PPFIA2: variants seen among roughly 807,000 people sequenced by gnomAD.
PPFIA2 encodes PPFI scaffold protein A2.
A neutral mutation model predicts 175.5 loss-of-function variants in PPFIA2; 46 were observed. The observed-to-expected ratio is 0.26, with a 90% CI of 0.21 to 0.34. The LOEUF is 0.34. PPFIA2 is among the 10% of genes least tolerant of loss of function. The pLI is 1.00. For synonymous variants in PPFIA2, 568 were observed against 511.4 expected, an observed-to-expected ratio of 1.11 and a Z score of -1.49; for missense variants, 1,179 against 1,506.1, an observed-to-expected ratio of 0.78 and a Z score of 3.60.
intron 21 of PPFIA2, among the ~76,000 whole-genome samples, chr12:81,333,966 C>T (rs527890465): frequency 6.6e-6 from 1 of 152,282 alleles, no homozygotes; most frequent in Admixed American, 6.5e-5. Flanking sequence ...TTCCAGCACT[C>T]AGGCCCCATT....
intron 9 of PPFIA2, among the ~76,000 whole-genome samples, chr12:81,376,368 T>C (rs761495575): frequency 2.6e-5 from 4 of 152,064 alleles, no homozygotes; most frequent in Non-Finnish European, 4.4e-5. Flanking sequence ...CCATCCGTAT[T>C]CTTACCTTTA....
chr12:81,278,186 G>A (rs1408079277), intron 27 of PPFIA2, among the ~76,000 whole-genome samples: 1 of 152,156 alleles, frequency 6.6e-6, no homozygotes, highest in Non-Finnish European at 1.5e-5. Flanking sequence ...GTTTAAGTAT[G>A]AAATACATAT....
chr12:81,612,366 C>G (rs531248637), intron 4 of PPFIA2, among the ~76,000 whole-genome samples: 1 of 152,222 alleles, frequency 6.6e-6, no homozygotes, highest in Non-Finnish European at 1.5e-5. Context: ...ATAACAGCTA[C>G]AGTTAGAGCA....
intron 11 of PPFIA2, among the ~76,000 whole-genome samples, chr12:81,371,001 A>G (rs1350324003): frequency 6.6e-6 from 1 of 151,924 alleles, no homozygotes; most frequent in African/African-American, 2.4e-5. Flanking sequence ...ATTCAGATGC[A>G]TATATACTAT....
At chr12:81,670,255 C>T (rs2071160158) in intron 4 of PPFIA2, among the ~76,000 whole-genome samples, 1 of 151,760 alleles carries the variant, frequency 6.6e-6, no homozygotes, top group Admixed American at 6.6e-5. Flanking sequence ...ATAAATTTTT[C>T]AGTTATTATT....
rs571821814 is a variant in PPFIA2, at chr12:81,265,291, CA to C, written c.3555+1660del. ...CTGGGCAACAAGAGCGAAACTCTGT[CA>C]AAAAAAAAAAAAAAAAAAAAAAAAA... On this transcript the variant is annotated intron_variant, in intron 30 of 32. Coordinates refer to ENST00000549396, the MANE Select transcript of PPFIA2 (RefSeq NM_003625.5). Among the ~76,000 whole-genome samples the C allele has an allele frequency of 6.7e-3, 470 of 69,972 alleles. 5 individuals carry two copies. The highest frequency in any genetic ancestry group is 0.023 in the East Asian group (41 of 1,774). The allele number at this position is 69,972 out of a possible 152,430, so 45.9% of individuals were successfully genotyped here. A position where few individuals can be genotyped will look rare whatever the true frequency, so the allele number is the denominator to read the frequency against.
At chr12:81,681,454 A>C (rs1049433895) in intron 3 of PPFIA2, among the ~76,000 whole-genome samples, 1 of 151,978 alleles carries the variant, frequency 6.6e-6, no homozygotes, top group African/African-American at 2.4e-5. Flanking sequence ...GAGCTCCAGG[A>C]AGAGTGAGGT....
chr12:81,435,398 A>C (rs528083184), intron 7 of PPFIA2, among the ~76,000 whole-genome samples: 1 of 152,292 alleles, frequency 6.6e-6, no homozygotes, highest in East Asian at 1.9e-4. Flanking sequence ...GAGTATATAA[A>C]CTTTGAGCTA....
intron 3 of PPFIA2, among the ~76,000 whole-genome samples, chr12:81,725,556 A>C (rs1379190653): frequency 6.6e-6 from 1 of 151,016 alleles, no homozygotes; most frequent in East Asian, 1.9e-4. Context: ...CATGTTAATG[A>C]AGAAGAAAAA....
intron 3 of PPFIA2, among the ~76,000 whole-genome samples, chr12:81,699,775 T>TCCAAGTATC (rs1567913120): frequency 1.3e-5 from 2 of 152,032 alleles, no homozygotes; most frequent in South Asian, 2.1e-4. Flanking sequence ...TGAATCATCC[T>TCCAAGTATC]CCAAGTATCT....
intron 4 of PPFIA2, among the ~76,000 whole-genome samples, chr12:81,651,379 G>A (rs983062636): frequency 6.6e-6 from 1 of 152,120 alleles, no homozygotes; most frequent in Non-Finnish European, 1.5e-5. Context: ...TCTTCCTGCA[G>A]GCAGAAACAT....
At chr12:81,407,003 T>G (rs1159600173) in intron 7 of PPFIA2, among the ~76,000 whole-genome samples, 6 of 152,180 alleles carry the variant, frequency 3.9e-5, no homozygotes, top group Non-Finnish European at 7.3e-5. Flanking sequence ...AGCTATATGA[T>G]CTCTGGTATT....
At chr12:81,727,184 C>A (rs937097767) in intron 3 of PPFIA2, among the ~76,000 whole-genome samples, 1 of 151,234 alleles carries the variant, frequency 6.6e-6, no homozygotes, top group East Asian at 1.9e-4. Context: ...CAGACCATGT[C>A]ATATCAAATC....
At chr12:81,706,420 C>T (rs895637070) in intron 3 of PPFIA2, among the ~76,000 whole-genome samples, 1 of 152,108 alleles carries the variant, frequency 6.6e-6, no homozygotes, top group Non-Finnish European at 1.5e-5. Flanking sequence ...TTTACTGTTA[C>T]TTTTATGAAG....
intron 7 of PPFIA2, among the ~76,000 whole-genome samples, chr12:81,437,443 A>C (rs2049285459): frequency 6.6e-6 from 1 of 152,066 alleles, no homozygotes; most frequent in Non-Finnish European, 1.5e-5. Flanking sequence ...GTTAGCCAGG[A>C]TGGTCTCGCT....
At chr12:81,390,802 A>AT (rs887963125) in intron 8 of PPFIA2, among the ~76,000 whole-genome samples, 87 of 149,984 alleles carry the variant, frequency 5.8e-4, no homozygotes, top group African/African-American at 2.0e-3. Context: ...CCAGTTTATC[A>AT]TTTTTTTTTC....
chr12:81,555,643 A>G (rs1166454047), intron 4 of PPFIA2, among the ~76,000 whole-genome samples: 2 of 152,016 alleles, frequency 1.3e-5, no homozygotes, highest in African/African-American at 4.8e-5. Context: ...ATGACAAAGC[A>G]CAAAAAATTA....
intron 7 of PPFIA2, among the ~76,000 whole-genome samples, chr12:81,431,619 C>A (rs1484514972): frequency 3.3e-5 from 5 of 152,126 alleles, no homozygotes; most frequent in Admixed American, 3.3e-4. Context: ...CTAAATAATA[C>A]CTGTGGTCTA....
At chr12:81,344,856 G>T (rs1246954773) in intron 18 of PPFIA2, 163 bp from the exon 19 acceptor site, 6 of 525,498 alleles carry the variant, frequency 1.1e-5, no homozygotes, top group East Asian at 9.4e-5. Flanking sequence ...AAAGCACTCC[G>T]CCTGGTAGTT....
Sources: allele counts gnomAD v4.1 joint callset (sites outside exome capture counted in the v4.1 genomes callset), GRCh38; gene constraint gnomAD v4.1.1; transcripts MANE v1.5; gene names NCBI Gene and HGNC (gene_info 2026-07-23, HGNC 2026-07-21).